IL18R1: variants seen among roughly 807,000 people sequenced by gnomAD.
IL18R1 encodes interleukin-18 receptor 1.
IL18R1 carries 40 observed loss-of-function variants against 48.5 expected under a neutral mutation model. The ratio of observed to expected loss-of-function variants is 0.82; its 90% CI spans 0.64 to 1.07. The LOEUF (loss-of-function observed/expected upper bound fraction) is 1.07, where lower values mean the gene tolerates loss of function less well. IL18R1 is among the 50% of genes least tolerant of loss of function. The pLI is 0.00. For missense variants in IL18R1, 596 were observed against 633.7 expected (o/e 0.94, Z 0.64); for synonymous variants, 232 against 225.9 (o/e 1.03, Z -0.24).
chr2:102,397,065 G>T lies in IL18R1; in HGVS notation c.*179G>T. ...AATGAGACTAAAGATTGCGCTGTGGGCTGTGGTCACGTGCTCCCAGAAGAC... is the reference window on the plus strand; with the variant it reads ...AATGAGACTAAAGATTGCGCTGTGGTCTGTGGTCACGTGCTCCCAGAAGAC... On this transcript the variant is annotated 3_prime_UTR_variant, in exon 11 of 11. Transcript: ENST00000233957. 1.9e-6 allele frequency: 1 copy of T among 537,012 alleles called. No homozygotes were observed. The highest frequency in any genetic ancestry group is 3.3e-6 in the Non-Finnish European group (1 of 306,900). 33.3% of individuals were successfully genotyped at this position (537,012 alleles called of 1,614,324 possible).
At chr2:102,364,615 G>C (rs1678774477) in intron 2 of IL18R1, among the ~76,000 whole-genome samples, 1 of 152,132 alleles carries the variant, frequency 6.6e-6, no homozygotes, top group African/African-American at 2.4e-5. Context: ...ACATGAAGTT[G>C]GTGCTCCTTA....
intron 9 of IL18R1, among the ~76,000 whole-genome samples, chr2:102,392,766 T>C (rs1229634957): frequency 6.6e-6 from 1 of 152,182 alleles, no homozygotes; most frequent in Non-Finnish European, 1.5e-5. Flanking sequence ...AACTTACTCC[T>C]TGAAGTCCCA....
rs1042072026 is a variant in IL18R1, at chr2:102,361,726, C to T, written c.-28-907C>T. ...AACCAGACTCTGCCATCAGGCTGTGCTCCCTGCACTCAGGATGGTAAACAA... is the reference window on the plus strand; with the variant it reads ...AACCAGACTCTGCCATCAGGCTGTGTTCCCTGCACTCAGGATGGTAAACAA... On this transcript the variant is annotated intron_variant, in intron 1 of 10. Transcript: ENST00000233957. Among the ~76,000 whole-genome samples the T allele has an allele frequency of 2.0e-5, 3 of 152,158 alleles. No individual in the cohort carries two copies. The East Asian group carries it at 5.8e-4, about 29-fold the overall frequency.
chr2:102,396,259 G>C (rs1310961776), intron 10 of IL18R1, among the ~76,000 whole-genome samples: 1 of 152,030 alleles, frequency 6.6e-6, no homozygotes, highest in Non-Finnish European at 1.5e-5. Flanking sequence ...TATCTTCTCT[G>C]TAGCGTATTA....
chr2:102,376,573 G>A (rs1331329854), intron 5 of IL18R1, among the ~76,000 whole-genome samples: 1 of 152,196 alleles, frequency 6.6e-6, no homozygotes, highest in African/African-American at 2.4e-5. Flanking sequence ...AGGAAGGACA[G>A]ATGCAGGAGG....
intron 1 of IL18R1, among the ~76,000 whole-genome samples, chr2:102,360,518 C>T (rs1678512374): frequency 6.6e-6 from 1 of 152,168 alleles, no homozygotes; most frequent in Admixed American, 6.5e-5. Flanking sequence ...CCATCTCGGC[C>T]TCCCAAAGTG....
At chr2:102,376,088 A>C (rs1322375607) in intron 5 of IL18R1, 25 bp downstream of exon 5, 1 of 1,531,856 alleles carries the variant, frequency 6.5e-7, no homozygotes. Flanking sequence ...AGAATTGGGA[A>C]GAAACAGACG....
In IL18R1 at chr2:102,367,945, G is replaced by A. The variant is rs1679008446; in HGVS notation, c.179G>A (p.Ser60Asn). ...ETTTKSWYKSSGSQEHVELNP... is the reference protein window; with the variant it reads ...ETTTKSWYKSNGSQEHVELNP... ...ACCACCAAAAGCTGGTACAAAAGCA[G>A]TGGATCACAGGAACATGTGGAGCTG... Residue 60 changes from serine (S) to asparagine (N), a missense_variant, in exon 3 of 11, where the codon AGT (serine) becomes AAT (asparagine). Ser to Asn is a conservative substitution (Grantham distance 46, BLOSUM62 1). Around this residue, in one of 3 missense-constraint regions of IL18R1, gnomAD observed 360 missense variants for 339.4 expected, o/e 1.06. Transcript: ENST00000233957. 1 of 1,614,250 alleles carries A rather than the reference G, an allele frequency of 6.2e-7. No homozygotes were observed. The highest frequency in any genetic ancestry group is 8.5e-7 in the Non-Finnish European group (1 of 1,180,044).
chr2:102,357,518 G>A (rs973672649), intron 1 of IL18R1, among the ~76,000 whole-genome samples: 1 of 151,890 alleles, frequency 6.6e-6, no homozygotes. Context: ...AAAAGAAAAG[G>A]CAGGGTCCCT....
chr2:102,361,068 T>C (rs755272569), intron 1 of IL18R1, among the ~76,000 whole-genome samples: 13 of 152,220 alleles, frequency 8.5e-5, no homozygotes, highest in Non-Finnish European at 1.0e-4. Flanking sequence ...CTTGTCAGTT[T>C]GCTGAGCCAT....
chr2:102,395,235 A>G (rs1009278390), intron 10 of IL18R1, among the ~76,000 whole-genome samples: 3 of 152,092 alleles, frequency 2.0e-5, no homozygotes, highest in African/African-American at 4.8e-5. Context: ...ATTAAAGCAA[A>G]TTACTGTTAA....
At chr2:102,381,233 G>A (rs1202598776) in intron 5 of IL18R1, among the ~76,000 whole-genome samples, 1 of 152,204 alleles carries the variant, frequency 6.6e-6, no homozygotes, top group African/African-American at 2.4e-5. Context: ...ACCTGTCTTG[G>A]CCCTGCAACC....
chr2:102,360,400 A>T (rs1187897826), intron 1 of IL18R1, among the ~76,000 whole-genome samples: 1 of 152,042 alleles, frequency 6.6e-6, no homozygotes, highest in Non-Finnish European at 1.5e-5. Context: ...AGTAGCTGGG[A>T]CTACAGGTGC....
At chr2:102,361,051 G>A (rs11123925) in intron 1 of IL18R1, among the ~76,000 whole-genome samples, 66,770 of 152,080 alleles carry the variant, frequency 0.44, 16,443 homozygotes, top group African/African-American at 0.66. Context: ...TTGAAACTCA[G>A]AGTTAACTTG....
chr2:102,392,655 A>G (rs1680615428), intron 9 of IL18R1, among the ~76,000 whole-genome samples: 1 of 152,198 alleles, frequency 6.6e-6, no homozygotes, highest in African/African-American at 2.4e-5. Flanking sequence ...TTGGTTTCTG[A>G]AGGATTGGAA....
At chr2:102,384,381 T>A (rs529445034) in intron 6 of IL18R1, among the ~76,000 whole-genome samples, 2 of 152,364 alleles carry the variant, frequency 1.3e-5, no homozygotes, top group East Asian at 3.9e-4. Context: ...AGACTCTTTC[T>A]GTTAATTACA....
intron 1 of IL18R1, among the ~76,000 whole-genome samples, chr2:102,362,242 C>T (rs1168703519): frequency 6.6e-6 from 1 of 152,142 alleles, no homozygotes; most frequent in African/African-American, 2.4e-5. Flanking sequence ...CACACACACA[C>T]TCTGTTACAT....
chr2:102,367,766 A>T (rs1054573058), intron 2 of IL18R1, 59 bp from the exon 3 acceptor site: 2 of 1,514,510 alleles, frequency 1.3e-6, no homozygotes, highest in Non-Finnish European at 1.8e-6. Context: ...GACCAAAAAA[A>T]GTTACCTTGT....
In IL18R1 at chr2:102,372,650, T is replaced by C. The variant is rs371126061; in HGVS notation, c.468+532T>C. Among the ~76,000 whole-genome samples, 28 of 152,290 alleles carry C rather than the reference T, an allele frequency of 1.8e-4. No homozygotes were observed. In the East Asian group the frequency reaches 2.3e-3, roughly 13 times the overall value. The stretch of plus-strand genomic sequence containing the variant: ...TTTTTAAAAGTGGTATATTTTATTT[T>C]TTTATGTTTTTTCCTCTAAGAATTA... On this transcript the variant is annotated intron_variant, in intron 4 of 10. Coordinates refer to ENST00000233957, the MANE Select transcript of IL18R1 (RefSeq NM_003855.5).
Sources: allele counts gnomAD v4.1 joint callset (sites outside exome capture counted in the v4.1 genomes callset), GRCh38; gene constraint gnomAD v4.1.1; regional missense constraint gnomAD v4.1.1; transcripts MANE v1.5; gene names NCBI Gene and HGNC (gene_info 2026-07-23, HGNC 2026-07-21).